SNAPC4: variants seen among roughly 807,000 people sequenced by gnomAD.
The protein encoded by SNAPC4 is small nuclear RNA activating complex polypeptide 4, also known as snRNA-activating protein complex subunit 4.
A neutral mutation model predicts 151.3 loss-of-function variants in SNAPC4; 127 were observed. That is an observed-to-expected ratio of 0.84 (90% CI 0.73 to 0.97). SNAPC4 has a LOEUF of 0.97. Among genes scored for constraint, SNAPC4 ranks in the 50% least tolerant of loss-of-function variants. The probability of loss-of-function intolerance (pLI) is 0.00; values close to 1 mark genes in which losing one functional copy is unlikely to be tolerated. For synonymous variants in SNAPC4, 1,002 were observed against 824.4 expected (o/e 1.22, Z -3.69); for missense variants, 2,186 against 1,935.0 (o/e 1.13, Z -2.43).
Position 136,392,191 on chromosome 9 carries a change from C to A in SNAPC4, c.811-85G>T, listed in dbSNP as rs116740551. ...AGCTCCAGGCTGAGCTGTTGCTCTC[C>A]GCCAGCTGGAGGCTTCCACGGCTGC... On this transcript the variant is annotated intron_variant, in intron 9 of 23. Transcript: ENST00000684778. 593 of 1,542,400 alleles carry A rather than the reference C, an allele frequency of 3.8e-4. 2 individuals are homozygous for A. The African/African-American group carries it at 5.8e-3, about 15-fold the overall frequency.
chr9:136,395,804 T>C (rs987947223), intron 3 of SNAPC4, 34 bp from the exon 4 acceptor site: 1 of 1,594,212 alleles, frequency 6.3e-7, no homozygotes, highest in Non-Finnish European at 8.6e-7. Context: ...TGTGACGAGA[T>C]GAGACGTGGA....
At position 136,377,847 on chromosome 9, in the gene SNAPC4, T is replaced by G. The variant is rs376013111; in HGVS notation, c.3980A>C (p.Lys1327Thr). The G allele has an allele frequency of 6.2e-7, 1 of 1,611,344 alleles. No homozygotes were observed. The highest frequency in any genetic ancestry group is 1.3e-5 in the African/African-American group (1 of 74,906). ...GCCCCCCACCACCAGGGAGGTGGCC[T>G]TGTGCTCCAGGGCCTTCTTGTGGAG... is the stretch of plus-strand genomic sequence containing the variant. ...LLLHKKALEH[K>T]ATSLVVGGEA... Residue 1327 changes from lysine (K) to threonine (T), a missense_variant, in exon 22 of 24, where the codon AAG becomes ACG. Transcript: ENST00000684778.
At position 136,378,678 on chromosome 9, in the gene SNAPC4, G is replaced by T; in HGVS notation, c.3149C>A (p.Pro1050His). The change falls in exon 22 of 24, where the codon CCC becomes CAC. Residue 1050 changes from proline to histidine, a missense_variant. Pro to His is a moderately conservative substitution (Grantham distance 77, BLOSUM62 -2). Coordinates refer to ENST00000684778, the MANE Select transcript of SNAPC4 (RefSeq NM_003086.4). ...APPFLPAAPS[P>H]TPLPVQPLSL... is the part of the protein sequence containing the mutation. ...GAGGGGCTGGACGGGCAGTGGGGTG[G>T]GGCTGGGGGCTGCGGGGAGAAAGGG... 1.3e-6 allele frequency: 2 copies of T among 1,499,650 alleles called. No homozygotes were observed. Among genetic ancestry groups the T allele is most frequent in the East Asian group, 2.4e-5 (1 of 42,072 alleles). The allele number at this position is 1,499,650 out of a possible 1,614,324, so 92.9% of individuals were successfully genotyped here.
chr9:136,377,483 C>T lies in SNAPC4; in HGVS notation c.4284+60G>A, dbSNP rs544262462. ...CCCCCACCCCACTGCTCCAGGCAGGCGAGGGCACCCCAGGGACCGCCGCCT... is the reference window on the plus strand; with the variant it reads ...CCCCCACCCCACTGCTCCAGGCAGGTGAGGGCACCCCAGGGACCGCCGCCT... On this transcript the variant is annotated intron_variant, in intron 22 of 23. Coordinates refer to ENST00000684778, the MANE Select transcript of SNAPC4 (RefSeq NM_003086.4). 1.3e-5 allele frequency: 19 copies of T among 1,489,026 alleles called. No homozygotes were observed. The East Asian group carries it at 1.6e-4, about 13-fold the overall frequency. 92.2% of individuals were successfully genotyped at this position (1,489,026 alleles called of 1,614,324 possible). A position where few individuals can be genotyped will look rare whatever the true frequency, so the allele number is the denominator to read the frequency against.
At chr9:136,382,976 A>C (rs542597192) in intron 16 of SNAPC4, among the ~76,000 whole-genome samples, 1 of 152,288 alleles carries the variant, frequency 6.6e-6, no homozygotes, top group African/African-American at 2.4e-5. Context: ...CCATTCAGCC[A>C]TACCCCTGAA....
chr9:136,395,979 G>A lies in SNAPC4; in HGVS notation c.178-209C>T, dbSNP rs12344738. On this transcript the variant is annotated intron_variant, in intron 3 of 23. Coordinates refer to ENST00000684778, the MANE Select transcript of SNAPC4 (RefSeq NM_003086.4). ...GCCTGTCACTCTCAAGGCGGCCTGT[G>A]TGCGCCTTTCCTAATCCACGGCAGG... 3.6e-3 allele frequency among the ~76,000 whole-genome samples: 549 copies of A among 152,380 alleles called. 2 individuals are homozygous for A. The highest frequency in any genetic ancestry group is 0.01 in the African/African-American group (431 of 41,592).
chr9:136,381,272 A>G, intron 19 of SNAPC4, 50 bp downstream of exon 19: 1 of 1,493,924 alleles, frequency 6.7e-7, no homozygotes, highest in Non-Finnish European at 9.3e-7. Context: ...AACTTCACCA[A>G]AAACTTTTTA....
intron 22 of SNAPC4, 22 bp downstream of exon 22, chr9:136,377,521 T>C (rs1264809718): frequency 2.2e-5 from 33 of 1,497,352 alleles, no homozygotes; most frequent in Non-Finnish European, 2.8e-5. Context: ...CATGGGGAAG[T>C]GGGGCTGGGC....
chr9:136,396,267 GC>G (rs1219987698), intron 3 of SNAPC4, among the ~76,000 whole-genome samples: 3 of 152,258 alleles, frequency 2.0e-5, no homozygotes, highest in African/African-American at 7.2e-5. Context: ...GAACCACACA[GC>G]CACGCAAACA....
In SNAPC4 at chr9:136,379,127, C is replaced by A; in HGVS notation, c.2700G>T (p.Lys900Asn). Residue 900 changes from lysine to asparagine, a missense_variant, in exon 22 of 24, where the codon AAG becomes AAT. Transcript: ENST00000684778. ...CCCTGGCACGGGCCTCCTGAAGCCG[C>A]TTCTCCTGAAGCAGCTCCGACACAG... is the stretch of plus-strand genomic sequence containing the variant. ...PKTVSELLQE[K>N]RLQEARAREA... 5 of 1,567,198 alleles carry A rather than the reference C, an allele frequency of 3.2e-6. No homozygotes were observed. The highest frequency in any genetic ancestry group is 3.5e-6 in the Non-Finnish European group (4 of 1,156,620).
At position 136,383,221 on chromosome 9, in the gene SNAPC4, T is replaced by C; in HGVS notation, c.1948A>G (p.Thr650Ala). ...TGCTTCTCTGCGCCCGCCGGGCGAG[T>C]GTCTGCTGAGTGGGAGGCCTGGGCA... ...RSAQASHSAD[T>A]RPAGAEKQAL... Residue 650 changes from threonine (T) to alanine (A), a missense_variant, in exon 16 of 24, where the codon ACT (threonine) becomes GCT (alanine). Physicochemically the swap from Thr to Ala is moderately conservative, Grantham distance 58 (BLOSUM62 0). Coordinates refer to ENST00000684778, the MANE Select transcript of SNAPC4 (RefSeq NM_003086.4). This position sits in a 1 kb window ranked among gnomAD's most constrained non-coding sequence, Gnocchi z 4.2. 1 of 1,565,432 alleles carries C rather than the reference T, an allele frequency of 6.4e-7. No individual in the cohort carries two copies. The highest frequency in any genetic ancestry group is 8.6e-7 in the Non-Finnish European group (1 of 1,157,566).
Position 136,378,038 on chromosome 9 carries a change from C to A in SNAPC4, c.3789G>T (p.Gly1263=), listed in dbSNP as rs1004781390. Residue 1263 remains glycine (G), a synonymous_variant, in exon 22 of 24, where the codon GGG becomes GGT. Coordinates refer to ENST00000684778, the MANE Select transcript of SNAPC4 (RefSeq NM_003086.4). Reference sequence around the variant, plus strand: ...CCAGGTCCAGGGCCCCCTTCTCAGGCCCAGGCTGGGGTAGGGGCGGCTTCT... The same window carrying A: ...CCAGGTCCAGGGCCCCCTTCTCAGGACCAGGCTGGGGTAGGGGCGGCTTCT... ...DLEKPPLPQP[G]PEKGALDLGL... is the part of the protein sequence containing the mutation. The A allele has an allele frequency of 8.8e-6, 14 of 1,586,938 alleles. No homozygotes were observed. Among genetic ancestry groups the A allele is most frequent in the Non-Finnish European group, 1.2e-5 (14 of 1,167,450 alleles).
chr9:136,377,870 GAGT>G lies in SNAPC4; in HGVS notation c.3954_3956del (p.Leu1319del). The stretch of plus-strand genomic sequence containing the variant: ...CCTTGTGCTCCAGGGCCTTCTTGTG[GAGT>G]AGGAGACCGGACAGAGCTCGCAGGC... On this transcript the variant is annotated inframe_deletion, in exon 22 of 24. Transcript: ENST00000684778. 1.2e-6 allele frequency: 2 copies of G among 1,611,524 alleles called. No homozygotes were observed. The highest frequency in any genetic ancestry group is 2.2e-5 in the East Asian group (1 of 44,866).
intron 1 of SNAPC4, among the ~76,000 whole-genome samples, chr9:136,399,902 T>TCGGAGCC (rs1376358351): frequency 2.0e-5 from 3 of 151,780 alleles, no homozygotes; most frequent in Non-Finnish European, 4.4e-5. Flanking sequence ...CGGAGCCTCC[T>TCGGAGCC]CGGAGCCCGC....
At chr9:136,393,750 C>T (rs1364875276) in intron 7 of SNAPC4, among the ~76,000 whole-genome samples, 7 of 152,264 alleles carry the variant, frequency 4.6e-5, no homozygotes, top group Non-Finnish European at 8.8e-5. Flanking sequence ...CTTAGCCGCC[C>T]GCCCGGCCAT....
chr9:136,392,805 C>A (rs575636515), intron 7 of SNAPC4, 28 bp from the exon 8 acceptor site: 2 of 1,597,964 alleles, frequency 1.3e-6, no homozygotes, highest in Non-Finnish European at 1.7e-6. Context: ...GGCAGAAGGG[C>A]TGGGGCACGA....
At chr9:136,381,480 C>G (rs1833689936) in intron 18 of SNAPC4, 88 bp from the exon 19 acceptor site, 1 of 1,234,922 alleles carries the variant, frequency 8.1e-7, no homozygotes, top group Admixed American at 1.8e-5. Flanking sequence ...CTCCCACGTG[C>G]CTTTCGAGGC....
rs1338446488 is a variant in SNAPC4 at position 136,379,411 on chromosome 9, A to C, written c.2528-112T>G. 34 of 1,502,034 alleles carry C rather than the reference A, an allele frequency of 2.3e-5. 1 individual carries two copies. Among genetic ancestry groups the C allele is most frequent in the Middle Eastern group, 2.3e-4 (1 of 4,264 alleles). The allele number at this position is 1,502,034 out of a possible 1,614,324, so 93.0% of individuals were successfully genotyped here. On this transcript the variant is annotated intron_variant, in intron 21 of 23. Coordinates refer to ENST00000684778, the MANE Select transcript of SNAPC4 (RefSeq NM_003086.4). ...ACCATGTGGGGAGCCTGGGGTCTTG[A>C]GCCAAGAGAGGGTCAAGCGGCACAT...
At chr9:136,395,267 T>A in intron 5 of SNAPC4, 31 bp downstream of exon 5, 1 of 1,607,026 alleles carries the variant, frequency 6.2e-7, no homozygotes, top group African/African-American at 1.3e-5. Context: ...TGCAGAGCCT[T>A]GCCGACAAGA....
Sources: allele counts gnomAD v4.1 joint callset (sites outside exome capture counted in the v4.1 genomes callset), GRCh38; gene constraint gnomAD v4.1.1; non-coding constraint Gnocchi (gnomAD v3.1); transcripts MANE v1.5; gene names NCBI Gene and HGNC (gene_info 2026-07-23, HGNC 2026-07-21).